CASR: variants seen among roughly 807,000 people sequenced by gnomAD.
CASR encodes calcium sensing receptor, also known as extracellular calcium-sensing receptor.
A neutral mutation model predicts 69.1 loss-of-function variants in CASR; 23 were observed. The observed-to-expected ratio is 0.33, with a 90% CI of 0.24 to 0.47. CASR has a LOEUF of 0.47. Ranked by LOEUF, CASR falls within the 20% of genes least tolerant of loss-of-function variation. The pLI is 1.00. For missense variants in CASR, 924 were observed against 1,356.1 expected, an observed-to-expected ratio of 0.68 and a Z score of 5.00; for synonymous variants, 541 against 544.7, an observed-to-expected ratio of 0.99 and a Z score of 0.10.
rs143852587 is a variant in CASR at position 122,267,831 on chromosome 3, T to G, written c.1377+5419T>G. ...CAGGTGGGGAAGTCCTGGCTACTCA[T>G]GGAGATCAGGATGTCATTCAGGTTA... On this transcript the variant is annotated intron_variant, in intron 4 of 6. Transcript: ENST00000639785. Among the ~76,000 whole-genome samples, 14 of 152,362 alleles carry G rather than the reference T, an allele frequency of 9.2e-5. No individual in the cohort carries two copies. The East Asian group carries it at 2.5e-3, about 27-fold the overall frequency.
At chr3:122,244,378 A>G (rs1457613511) in intron 1 of CASR, among the ~76,000 whole-genome samples, 1 of 152,020 alleles carries the variant, frequency 6.6e-6, no homozygotes, top group African/African-American at 2.4e-5. Context: ...TAAAACCCCA[A>G]AGCGTTCATT....
intron 4 of CASR, among the ~76,000 whole-genome samples, chr3:122,270,849 G>C (rs1407762880): frequency 6.6e-6 from 1 of 152,000 alleles, no homozygotes; most frequent in Non-Finnish European, 1.5e-5. Context: ...AATTCCATTG[G>C]AGTCAACATA....
chr3:122,234,361 TGGAATGTAG>T (rs2074308462), intron 1 of CASR, among the ~76,000 whole-genome samples: 1 of 152,174 alleles, frequency 6.6e-6, no homozygotes, highest in African/African-American at 2.4e-5. Context: ...ATTTGGCCCA[TGGAATGTAG>T]TTGGCTGGCC....
At chr3:122,203,957 A>AT (rs552777019) in intron 1 of CASR, among the ~76,000 whole-genome samples, 60 of 150,866 alleles carry the variant, frequency 4.0e-4, no homozygotes, top group African/African-American at 1.3e-3. Context: ...CCGTTTTTTC[A>AT]TTTTTTTTAA....
chr3:122,277,048 C>CTTTTTTT (rs11341423), intron 5 of CASR, among the ~76,000 whole-genome samples: 7 of 129,508 alleles, frequency 5.4e-5, no homozygotes, highest in Admixed American at 8.2e-5. Context: ...GACCACTTTT[C>CTTTTTTT]TTTTTTTTTT....
chr3:122,261,278 T>C (rs1239550649), intron 3 of CASR, among the ~76,000 whole-genome samples: 1 of 152,234 alleles, frequency 6.6e-6, no homozygotes, highest in Non-Finnish European at 1.5e-5. Context: ...GAAGTTAGCA[T>C]TGTGAAGAAT....
At chr3:122,257,879 A>G (rs1393089567) in intron 3 of CASR, among the ~76,000 whole-genome samples, 1 of 152,228 alleles carries the variant, frequency 6.6e-6, no homozygotes, top group Non-Finnish European at 1.5e-5. Flanking sequence ...TGTGTTGCAC[A>G]TTCCAGAAAC....
chr3:122,226,030 A>G (rs2074219079), intron 1 of CASR, among the ~76,000 whole-genome samples: 1 of 152,208 alleles, frequency 6.6e-6, no homozygotes, highest in South Asian at 2.1e-4. Context: ...CATTGAATTC[A>G]CATGGGCACA....
At chr3:122,185,608 C>T (rs912868466) in intron 1 of CASR, among the ~76,000 whole-genome samples, 1 of 152,212 alleles carries the variant, frequency 6.6e-6, no homozygotes, top group Non-Finnish European at 1.5e-5. Flanking sequence ...CTGAAATGCT[C>T]TGGATTTCCA....
At chr3:122,264,853 A>C (rs1408529203) in intron 4 of CASR, among the ~76,000 whole-genome samples, 1 of 152,170 alleles carries the variant, frequency 6.6e-6, no homozygotes, top group Non-Finnish European at 1.5e-5. Flanking sequence ...ATCAACTAGC[A>C]ATTATTCATT....
intron 5 of CASR, 125 bp from the exon 6 acceptor site, chr3:122,281,988 C>T (rs1452313745): frequency 9.4e-6 from 13 of 1,390,350 alleles, no homozygotes; most frequent in Non-Finnish European, 1.3e-5. Flanking sequence ...CTGGAATGGG[C>T]CCAACGTCTG....
chr3:122,256,377 C>T (rs4247193), intron 2 of CASR, among the ~76,000 whole-genome samples: 140,215 of 152,292 alleles, frequency 0.92, 64,853 homozygotes, highest in East Asian at 0.98. Flanking sequence ...TGTACATCTA[C>T]ATATTGCTTT....
At chr3:122,282,506 G>C (rs1322043276) in intron 6 of CASR, among the ~76,000 whole-genome samples, 1 of 152,178 alleles carries the variant, frequency 6.6e-6, no homozygotes, top group Non-Finnish European at 1.5e-5. Context: ...CTTTTTGTTA[G>C]AGTTTAGTGG....
In CASR at chr3:122,275,879, G is replaced by A. The variant is rs761468327; in HGVS notation, c.1445G>A (p.Cys482Tyr). Residue 482 changes from cysteine (C) to tyrosine (Y), a missense_variant, in exon 5 of 7, where the codon TGT becomes TAT. Transcript: ENST00000639785. ...NMGEQVTFDE[C>Y]GDLVGNYSII... is the part of the protein sequence containing the mutation. ...GGGGAGCAGGTGACCTTTGATGAGT[G>A]TGGTGACCTGGTGGGGAACTATTCC... The A allele has an allele frequency of 2.5e-6, 4 of 1,614,078 alleles. No individual in the cohort carries two copies. Among genetic ancestry groups the A allele is most frequent in the African/African-American group, 1.3e-5 (1 of 74,934 alleles).
At chr3:122,233,801 G>A (rs1467374116) in intron 1 of CASR, among the ~76,000 whole-genome samples, 1 of 152,182 alleles carries the variant, frequency 6.6e-6, no homozygotes, top group Non-Finnish European at 1.5e-5. Context: ...CAGTATCTAA[G>A]GGGAACAAAA....
chr3:122,213,585 T>G (rs2074089018), intron 1 of CASR, among the ~76,000 whole-genome samples: 1 of 152,192 alleles, frequency 6.6e-6, no homozygotes, highest in South Asian at 2.1e-4. Flanking sequence ...CCATATGAAT[T>G]CTGGGCCAAG....
At chr3:122,268,090 A>T (rs974738063) in intron 4 of CASR, among the ~76,000 whole-genome samples, 1 of 152,184 alleles carries the variant, frequency 6.6e-6, no homozygotes, top group East Asian at 1.9e-4. Context: ...TTTAAATTTT[A>T]ATTGCCACCT....
At chr3:122,217,464 A>G (rs1411989701) in intron 1 of CASR, among the ~76,000 whole-genome samples, 1 of 152,204 alleles carries the variant, frequency 6.6e-6, no homozygotes, top group Non-Finnish European at 1.5e-5. Flanking sequence ...TAGATGGGAA[A>G]GGGGCAAGGA....
At chr3:122,257,578 C>T (rs1432120208) in intron 3 of CASR, 191 bp downstream of exon 3, 3 of 558,544 alleles carry the variant, frequency 5.4e-6, no homozygotes, top group South Asian at 2.6e-5. Flanking sequence ...ATCAATGATA[C>T]CTTCACTATG....
Sources: gnomAD v4.1 joint callset for allele counts (sites outside exome capture counted in the v4.1 genomes callset) on GRCh38, gnomAD v4.1.1 for gene constraint, MANE v1.5 for transcripts, NCBI Gene and HGNC (gene_info 2026-07-23, HGNC 2026-07-21) for gene names.